COX7B2: variants seen among roughly 807,000 people sequenced by gnomAD.
COX7B2 encodes cytochrome c oxidase subunit 7B2.
For synonymous variants in COX7B2, 37 were observed against 32.1 expected, an observed-to-expected ratio of 1.15 and a Z score of -0.51; for missense variants, 109 against 95.9, an observed-to-expected ratio of 1.14 and a Z score of -0.57.
At chr4:46,831,127 T>C (rs919230684) in intron 2 of COX7B2, among the ~76,000 whole-genome samples, 8 of 152,074 alleles carry the variant, frequency 5.3e-5, no homozygotes, top group Non-Finnish European at 1.2e-4. Context: ...GGGCCCCGCA[T>C]TGGGAGTGGC....
intron 1 of COX7B2, among the ~76,000 whole-genome samples, chr4:46,884,733 A>G (rs1718970246): frequency 6.6e-6 from 1 of 152,150 alleles, no homozygotes; most frequent in South Asian, 2.1e-4. Flanking sequence ...CAGTTTTCTT[A>G]ATCTTTTTGA....
chr4:46,808,501 A>C (rs563403591), intron 2 of COX7B2, among the ~76,000 whole-genome samples: 1 of 151,860 alleles, frequency 6.6e-6, no homozygotes, highest in East Asian at 1.9e-4. Flanking sequence ...CTTTTAACTT[A>C]GATGACTTTT....
At chr4:46,882,511 T>A (rs1169766894) in intron 1 of COX7B2, among the ~76,000 whole-genome samples, 1 of 152,208 alleles carries the variant, frequency 6.6e-6, no homozygotes, top group Non-Finnish European at 1.5e-5. Flanking sequence ...CATAGTTAGG[T>A]CTTCTGGTTA....
At chr4:46,812,268 G>A (rs573377582) in intron 2 of COX7B2, among the ~76,000 whole-genome samples, 1 of 152,136 alleles carries the variant, frequency 6.6e-6, no homozygotes, top group South Asian at 2.1e-4. Flanking sequence ...ACTAAGCTGA[G>A]GCCTATCTCT....
chr4:46,839,587 C>T (rs1045915211), intron 2 of COX7B2, among the ~76,000 whole-genome samples: 2 of 151,982 alleles, frequency 1.3e-5, no homozygotes, highest in Non-Finnish European at 2.9e-5. Context: ...AAATTCCACA[C>T]GAGAGATTCA....
At chr4:46,811,960 T>C (rs1577594320) in intron 2 of COX7B2, among the ~76,000 whole-genome samples, 2 of 152,046 alleles carry the variant, frequency 1.3e-5, no homozygotes, top group African/African-American at 2.4e-5. Flanking sequence ...GCTGCATAGG[T>C]TATTAGGGCA....
intron 1 of COX7B2, among the ~76,000 whole-genome samples, chr4:46,894,665 G>T (rs1209080452): frequency 6.6e-6 from 1 of 152,106 alleles, no homozygotes; most frequent in East Asian, 1.9e-4. Flanking sequence ...AAGAGCTTCT[G>T]CCCAGCAAAA....
At chr4:46,851,210 C>G (rs1474641050) in intron 1 of COX7B2, among the ~76,000 whole-genome samples, 1 of 151,914 alleles carries the variant, frequency 6.6e-6, no homozygotes, top group African/African-American at 2.4e-5. Context: ...CTTGAGATAA[C>G]TTGAGCAAGT....
intron 2 of COX7B2, among the ~76,000 whole-genome samples, chr4:46,819,252 C>G (rs367654154): frequency 1.3e-5 from 2 of 152,104 alleles, no homozygotes; most frequent in African/African-American, 4.8e-5. Flanking sequence ...TATCAAAAAC[C>G]CTTTAGCGGA....
At chr4:46,794,657 G>T (rs1439956477) in intron 2 of COX7B2, among the ~76,000 whole-genome samples, 2 of 152,110 alleles carry the variant, frequency 1.3e-5, no homozygotes, top group Non-Finnish European at 2.9e-5. Flanking sequence ...TAGATCCTAG[G>T]GTGACAGGGG....
chr4:46,860,737 C>G (rs1188433842), intron 1 of COX7B2, among the ~76,000 whole-genome samples: 2 of 152,116 alleles, frequency 1.3e-5, no homozygotes. Flanking sequence ...ATTTTCCTCC[C>G]TGCAATGTAC....
At chr4:46,841,356 T>TGC (rs1247168203) in intron 2 of COX7B2, among the ~76,000 whole-genome samples, 1 of 151,262 alleles carries the variant, frequency 6.6e-6, no homozygotes, top group East Asian at 1.9e-4. Flanking sequence ...TGTGTGTGTG[T>TGC]GTGTGTGTGT....
At chr4:46,828,733 A>G (rs1714858984) in intron 2 of COX7B2, among the ~76,000 whole-genome samples, 1 of 152,178 alleles carries the variant, frequency 6.6e-6, no homozygotes, top group African/African-American at 2.4e-5. Context: ...TATACAAATG[A>G]AAACATGAAC....
At chr4:46,766,706 G>GA (rs57884969) in intron 2 of COX7B2, among the ~76,000 whole-genome samples, 39,881 of 96,580 alleles carry the variant, frequency 0.41, 6,142 homozygotes, top group South Asian at 0.53. Context: ...GTCTCGAAAA[G>GA]AAAAAAAAAA....
intron 1 of COX7B2, among the ~76,000 whole-genome samples, chr4:46,879,673 G>T (rs1463662369): frequency 6.6e-6 from 1 of 150,510 alleles, no homozygotes; most frequent in African/African-American, 2.4e-5. Flanking sequence ...TACATTTATT[G>T]TACCGCTTTG....
chr4:46,847,435 T>C (rs191212817), intron 1 of COX7B2, among the ~76,000 whole-genome samples: 3 of 152,030 alleles, frequency 2.0e-5, no homozygotes, highest in South Asian at 2.1e-4. Context: ...TGCAGAAAAC[T>C]TGAGTAAATT....
At chr4:46,801,733 G>A (rs1460627189) in intron 2 of COX7B2, among the ~76,000 whole-genome samples, 1 of 151,986 alleles carries the variant, frequency 6.6e-6, no homozygotes, top group African/African-American at 2.4e-5. Flanking sequence ...AGTTGGAAGG[G>A]GAAATAAATG....
intron 2 of COX7B2, among the ~76,000 whole-genome samples, chr4:46,793,261 G>A (rs1227662155): frequency 6.6e-6 from 1 of 151,996 alleles, no homozygotes; most frequent in Non-Finnish European, 1.5e-5. Flanking sequence ...CCAGCCAGAG[G>A]GGGGTTATCT....
At chr4:46,878,263 GA>G (rs1254663735) in intron 1 of COX7B2, among the ~76,000 whole-genome samples, 1 of 151,868 alleles carries the variant, frequency 6.6e-6, no homozygotes, top group Non-Finnish European at 1.5e-5. Context: ...GAAAAGGGGA[GA>G]AAAAAGTCAA....
Sources: allele counts gnomAD v4.1 joint callset (sites outside exome capture counted in the v4.1 genomes callset), GRCh38; gene constraint gnomAD v4.1.1; transcripts MANE v1.5; gene names NCBI Gene and HGNC (gene_info 2026-07-23, HGNC 2026-07-21).